The following TNS2 variants were observed in gnomAD, a reference collection of about 807,000 sequenced individuals.
TNS2 encodes tensin-2.
In TNS2, 77 loss-of-function variants were observed where a neutral mutation model predicts 155.7. The observed-to-expected ratio is 0.49, with a 90% CI of 0.41 to 0.60. TNS2 has a LOEUF of 0.60. Among genes scored for constraint, TNS2 ranks in the 20% least tolerant of loss-of-function variants. TNS2 has a pLI of 0.00. For missense variants in TNS2, 1,703 were observed against 1,868.8 expected (o/e 0.91, Z 1.64); for synonymous variants, 726 against 763.9 (o/e 0.95, Z 0.82).
At position 53,063,523 on chromosome 12, in the gene TNS2, C is replaced by A; in HGVS notation, c.4062-40C>A. The A allele has an allele frequency of 1.3e-6, 2 of 1,579,108 alleles. No homozygotes were observed. The highest frequency in any genetic ancestry group is 1.7e-6 in the Non-Finnish European group (2 of 1,156,666). ...GCCCCGGCCCCCCTTCAGCAGCTGTCCCCTGGGGTGTGCATCTTCACCTTC... is the reference window on the plus strand; with the variant it reads ...GCCCCGGCCCCCCTTCAGCAGCTGTACCCTGGGGTGTGCATCTTCACCTTC... On this transcript the variant is annotated intron_variant, in intron 27 of 28. Coordinates refer to ENST00000314250, the MANE Select transcript of TNS2 (RefSeq NM_170754.4). The surrounding 1 kb of genome is among the most constrained non-coding windows in gnomAD (Gnocchi z 5.6).
At chr12:53,047,314 GGC>G (rs1943757397), upstream of TNS2, among the ~76,000 whole-genome samples, 1 of 145,916 alleles carries the variant, frequency 6.9e-6, no homozygotes, top group African/African-American at 2.5e-5. Context: ...CTGGCCCGGC[GGC>G]TCCCCCTGCT....
chr12:53,060,170 G>A lies in TNS2; in HGVS notation c.2529G>A (p.Lys843=). ...PGSPPYPQSR[K]LSYEIPTEEG... ...GCCCGCCCTATCCACAATCTAGGAA[G>A]CTGAGCTACGAGATCCCTACGGAGG... Residue 843 remains lysine, a synonymous_variant, in exon 18 of 29, where the codon AAG becomes AAA. Coordinates refer to ENST00000314250, the MANE Select transcript of TNS2 (RefSeq NM_170754.4). This position sits in a 1 kb window ranked among gnomAD's most constrained non-coding sequence, Gnocchi z 6.1. 1.2e-6 allele frequency: 2 copies of A among 1,605,834 alleles called. No individual in the cohort carries two copies. The highest frequency in any genetic ancestry group is 1.7e-6 in the Non-Finnish European group (2 of 1,175,910).
chr12:53,051,830 CCT>C, intron 1 of TNS2, 23 bp from the exon 2 acceptor site: 2 of 1,593,246 alleles, frequency 1.3e-6, no homozygotes, highest in Non-Finnish European at 1.7e-6. Context: ...GGAACTCACA[CCT>C]CTGTTTGTCC....
Position 53,059,937 on chromosome 12 carries a change from G to A in TNS2, c.2296G>A (p.Glu766Lys), listed in dbSNP as rs767343879. The A allele has an allele frequency of 1.7e-5, 28 of 1,611,016 alleles. No homozygotes were observed. The highest frequency in any genetic ancestry group is 1.8e-5 in the Non-Finnish European group (21 of 1,178,468). ...KPPKAGEEGH[E>K]GCSYTMCPEG... ...ACCCAAGGCAGGCGAGGAAGGGCAC[G>A]AGGGCTGCTCCTACACCATGTGCCC... Residue 766 changes from glutamate to lysine, a missense_variant, in exon 18 of 29, where the codon GAG becomes AAG. Coordinates refer to ENST00000314250, the MANE Select transcript of TNS2 (RefSeq NM_170754.4). This position sits in a 1 kb window ranked among gnomAD's most constrained non-coding sequence, Gnocchi z 4.7.
intron 7 of TNS2, 68 bp downstream of exon 7, chr12:53,054,509 C>T: frequency 1.4e-6 from 2 of 1,457,556 alleles, no homozygotes; most frequent in Non-Finnish European, 1.8e-6. Flanking sequence ...CGAGGCTAAT[C>T]ACTGACGTCA....
Position 53,060,301 on chromosome 12 carries a change from T to G in TNS2, c.2617+43T>G. On this transcript the variant is annotated intron_variant, in intron 18 of 28. Coordinates refer to ENST00000314250, the MANE Select transcript of TNS2 (RefSeq NM_170754.4). The surrounding 1 kb of genome is among the most constrained non-coding windows in gnomAD (Gnocchi z 6.1). ...GCGGAGTGCCCAGGGCAGAGGAGGT[T>G]CTGGAAGATGGTGGGGAAGTCAAGG... 3.9e-6 allele frequency: 6 copies of G among 1,548,700 alleles called. No homozygotes were observed. The highest frequency in any genetic ancestry group is 5.2e-6 in the Non-Finnish European group (6 of 1,146,048).
rs1481479402 is a variant in TNS2, at chr12:53,059,050, C to T, written c.1409C>T (p.Ser470Phe). The change falls in exon 18 of 29, where the codon TCC becomes TTC. Residue 470 changes from serine (S) to phenylalanine (F), a missense_variant. Ser to Phe is a radical substitution (Grantham distance 155). Coordinates refer to ENST00000314250, the MANE Select transcript of TNS2 (RefSeq NM_170754.4). This position sits in a 1 kb window ranked among gnomAD's most constrained non-coding sequence, Gnocchi z 4.7. ...CCTGATCCTCTTCCCCACTCAGGCT[C>T]CTTGACCCACACCCGGGGTCCCCTG... ...NQHHEDSVDG[S>F]LTHTRGPLDG... 6.5e-7 allele frequency: 1 copy of T among 1,538,196 alleles called. No homozygotes were observed.
chr12:53,050,411 G>A lies in TNS2; in HGVS notation c.75+151G>A. 1.0e-6 allele frequency: 1 copy of A among 952,744 alleles called. No individual in the cohort carries two copies. The highest frequency in any genetic ancestry group is 1.5e-6 in the Non-Finnish European group (1 of 654,984). 59.0% of individuals were successfully genotyped at this position (952,744 alleles called of 1,614,324 possible). On this transcript the variant is annotated intron_variant, in intron 1 of 28. Coordinates refer to ENST00000314250, the MANE Select transcript of TNS2 (RefSeq NM_170754.4). The surrounding 1 kb of genome is among the most constrained non-coding windows in gnomAD (Gnocchi z 4.7). ...CAGCATCCCCTCCGGAGTGGCCAGG[G>A]CTGTAGTGTGAGGGGATGTTTGGGT...
chr12:53,055,473 G>T, intron 8 of TNS2, 95 bp from the exon 9 acceptor site: 1 of 1,460,088 alleles, frequency 6.8e-7, no homozygotes, highest in Non-Finnish European at 9.2e-7. Flanking sequence ...CCCCAGCCTT[G>T]CCCCCGGACC....
chr12:53,063,210 CT>C lies in TNS2; in HGVS notation c.3947del (p.Phe1316SerfsTer10). The C allele has an allele frequency of 6.2e-7, 1 of 1,612,996 alleles. No homozygotes were observed. The highest frequency in any genetic ancestry group is 8.5e-7 in the Non-Finnish European group (1 of 1,179,644). On this transcript the variant is annotated frameshift_variant, in exon 26 of 29. Coordinates refer to ENST00000314250, the MANE Select transcript of TNS2 (RefSeq NM_170754.4). LOFTEE classifies it high-confidence loss of function. The surrounding 1 kb of genome is among the most constrained non-coding windows in gnomAD (Gnocchi z 5.6). ...SPRPTPAVVH[F>X]KVSAQGITLT... ...CCCGCCCGACACCAGCTGTTGTCCA[CT>C]TCAAGGTGTCAGCCCAGGGCATTAC... is the stretch of plus-strand genomic sequence containing the variant.
intron 15 of TNS2, 32 bp downstream of exon 15, chr12:53,058,477 G>A: frequency 6.2e-7 from 1 of 1,612,234 alleles, no homozygotes; most frequent in Non-Finnish European, 8.5e-7. Context: ...TGGGGCTGGA[G>A]TCCAGGTGGC....
chr12:53,055,975 C>A, intron 10 of TNS2, 130 bp downstream of exon 10: 1 of 929,230 alleles, frequency 1.1e-6, no homozygotes. Context: ...GCACTTCCAC[C>A]TCCCTTTTAT....
Position 53,058,301 on chromosome 12 carries a change from C to T in TNS2, c.1096-15C>T. 6.2e-7 allele frequency: 1 copy of T among 1,613,820 alleles called. No homozygotes were observed. The highest frequency in any genetic ancestry group is 8.5e-7 in the Non-Finnish European group (1 of 1,179,848). ...GACATGAGGCCTGATCCGCAGCCTC[C>T]TGCCTTTCTCCCAGGTAACATGTTA... is the stretch of plus-strand genomic sequence containing the variant. On this transcript the variant is annotated splice_polypyrimidine_tract_variant and intron_variant, in intron 14 of 28. Transcript: ENST00000314250.
chr12:53,062,937 T>C, intron 25 of TNS2, 152 bp from the exon 26 acceptor site: 1 of 1,092,304 alleles, frequency 9.2e-7, no homozygotes, highest in South Asian at 1.6e-5. Flanking sequence ...CTTCTGACTG[T>C]AGATCCAGTA....
Position 53,063,303 on chromosome 12 carries a change from G to A in TNS2, c.3992+46G>A. The A allele has an allele frequency of 1.2e-6, 2 of 1,614,006 alleles. No individual in the cohort carries two copies. The highest frequency in any genetic ancestry group is 2.2e-5 in the East Asian group (1 of 44,884). The stretch of plus-strand genomic sequence containing the variant: ...AGAACCCCATGCTTAAGGCCCCTGG[G>A]GGCTCATGTTTCTGAGTGTGACCTT... On this transcript the variant is annotated intron_variant, in intron 26 of 28. Transcript: ENST00000314250. The surrounding 1 kb of genome is among the most constrained non-coding windows in gnomAD (Gnocchi z 5.6).
rs1390574888 is a variant in TNS2 at position 53,058,760 on chromosome 12, CACT to C, written c.1339_1341del (p.Thr447del). The C allele has an allele frequency of 2.5e-6, 4 of 1,614,014 alleles. No individual in the cohort carries two copies. The highest frequency in any genetic ancestry group is 2.2e-5 in the East Asian group (1 of 44,876). On this transcript the variant is annotated inframe_deletion, in exon 17 of 29. Coordinates refer to ENST00000314250, the MANE Select transcript of TNS2 (RefSeq NM_170754.4). ...CCTCGGTCTCTGTCGACTACAACAC[CACT>C]GAGCCAGCCGTGCGCTGGGACTCCT...
In TNS2 at chr12:53,059,201, C is replaced by A. The variant is rs769614118; in HGVS notation, c.1560C>A (p.Thr520=). 49 of 1,590,262 alleles carry A rather than the reference C, an allele frequency of 3.1e-5. No individual in the cohort carries two copies. Among genetic ancestry groups the A allele is most frequent in the Admixed American group, 5.3e-5 (3 of 56,600 alleles). Residue 520 remains threonine (T), a synonymous_variant, in exon 18 of 29, where the codon ACC becomes ACA. Coordinates refer to ENST00000314250, the MANE Select transcript of TNS2 (RefSeq NM_170754.4). This position sits in a 1 kb window ranked among gnomAD's most constrained non-coding sequence, Gnocchi z 4.7. ...ACTCAGGCCATTCCTCCACGCTGACCACAGAGCCGGCTGCTGAGTCCCCTG... is the reference window on the plus strand; with the variant it reads ...ACTCAGGCCATTCCTCCACGCTGACAACAGAGCCGGCTGCTGAGTCCCCTG... ...SSDSGHSSTL[T]TEPAAESPGR... is the part of the protein sequence containing the mutation.
intron 3 of TNS2, among the ~76,000 whole-genome samples, chr12:53,052,795 G>C (rs1290803049): frequency 6.6e-6 from 1 of 150,984 alleles, no homozygotes. Context: ...GGAGGAGGAA[G>C]GGTGGGGTGG....
Position 53,060,788 on chromosome 12 carries a change from C to T in TNS2, c.2882C>T (p.Pro961Leu), listed in dbSNP as rs550410983. The change falls in exon 20 of 29, where the codon CCG becomes CTG. Residue 961 changes from proline to leucine, a missense_variant. By Grantham distance (98) the Pro-to-Leu change is moderately conservative. Coordinates refer to ENST00000314250, the MANE Select transcript of TNS2 (RefSeq NM_170754.4). The surrounding 1 kb of genome is among the most constrained non-coding windows in gnomAD (Gnocchi z 6.1). Reference sequence around the variant, plus strand: ...GGCACCGGAAAGGCCCCTGAGCTGCCGTCGGGAAGTGGGCCTGAGCCTCTG... The same window carrying T: ...GGCACCGGAAAGGCCCCTGAGCTGCTGTCGGGAAGTGGGCCTGAGCCTCTG... ...QAGTGKAPEL[P>L]SGSGPEPLAP... is the part of the protein sequence containing the mutation. 2 of 1,612,118 alleles carry T rather than the reference C, an allele frequency of 1.2e-6. No individual in the cohort carries two copies. The highest frequency in any genetic ancestry group is 1.7e-6 in the Non-Finnish European group (2 of 1,179,064).
Sources: allele counts gnomAD v4.1 joint callset (sites outside exome capture counted in the v4.1 genomes callset), GRCh38; gene constraint gnomAD v4.1.1; non-coding constraint Gnocchi (gnomAD v3.1); transcripts MANE v1.5; gene names NCBI Gene and HGNC (gene_info 2026-07-23, HGNC 2026-07-21).